Variants in SCN8A observed in about 807,000 individuals in gnomAD.
SCN8A encodes the protein sodium channel protein type 8 subunit alpha.
SCN8A carries 30 observed loss-of-function variants against 184.1 expected under a neutral mutation model. That is an observed-to-expected ratio of 0.16 (90% CI 0.12 to 0.22). The LOEUF (loss-of-function observed/expected upper bound fraction) is 0.22, where lower values mean the gene tolerates loss of function less well. SCN8A is among the 10% of genes least tolerant of loss of function. The pLI is 1.00. For missense variants in SCN8A, 1,057 were observed against 2,498.9 expected, an observed-to-expected ratio of 0.42 and a Z score of 12.30; for synonymous variants, 852 against 907.0, an observed-to-expected ratio of 0.94 and a Z score of 1.09.
At chr12:51,597,907 C>A (rs1175561797) in intron 1 of SCN8A, among the ~76,000 whole-genome samples, 1 of 151,936 alleles carries the variant, frequency 6.6e-6, no homozygotes, top group East Asian at 1.9e-4. Context: ...TTTGTCTTAG[C>A]AGGAAGCTGA....
intron 26 of SCN8A, among the ~76,000 whole-genome samples, chr12:51,802,675 C>T (rs1938589268): frequency 6.6e-6 from 1 of 152,174 alleles, no homozygotes; most frequent in Admixed American, 6.5e-5. Flanking sequence ...ATTACTTTCT[C>T]CAGTGAACTT....
chr12:51,647,067 A>G (rs1299503298), intron 1 of SCN8A, among the ~76,000 whole-genome samples: 2 of 152,178 alleles, frequency 1.3e-5, no homozygotes, highest in Non-Finnish European at 2.9e-5. Context: ...TCTAAGTACT[A>G]ACTTGGTGGC....
intron 15 of SCN8A, among the ~76,000 whole-genome samples, chr12:51,764,614 G>A (rs372351193): frequency 4.3e-4 from 65 of 152,006 alleles, no homozygotes; most frequent in African/African-American, 1.4e-3. Context: ...CAGCCTGGGC[G>A]GCAGAGTGAG....
intron 5 of SCN8A, among the ~76,000 whole-genome samples, chr12:51,688,434 G>A (rs992420398): frequency 1.9e-4 from 29 of 152,104 alleles, no homozygotes; most frequent in African/African-American, 6.3e-4. Flanking sequence ...CGCAAAACCT[G>A]GGAACATAAG....
intron 2 of SCN8A, among the ~76,000 whole-genome samples, chr12:51,663,826 G>A (rs181360016): frequency 4.9e-4 from 75 of 151,568 alleles, no homozygotes; most frequent in African/African-American, 1.7e-3. Context: ...AAAGCCTCCT[G>A]GGTGATCCAC....
chr12:51,689,436 G>T, intron 6 of SCN8A: 1 of 224,862 alleles, frequency 4.4e-6, no homozygotes, highest in South Asian at 1.2e-4. Context: ...CAGTAATTTT[G>T]ACATTTGCCA....
At chr12:51,744,933 G>T (rs568321850) in intron 12 of SCN8A, among the ~76,000 whole-genome samples, 2 of 152,210 alleles carry the variant, frequency 1.3e-5, no homozygotes, top group South Asian at 4.2e-4. Context: ...TCCTCTGAGG[G>T]CTGCTGATTG....
chr12:51,700,005 A>G (rs1317453228), intron 7 of SCN8A, among the ~76,000 whole-genome samples: 1 of 152,038 alleles, frequency 6.6e-6, no homozygotes, highest in African/African-American at 2.4e-5. Context: ...TCTCTCTACT[A>G]AAAATACAAA....
intron 14 of SCN8A, among the ~76,000 whole-genome samples, chr12:51,762,174 G>GT (rs1177822794): frequency 2.0e-5 from 3 of 152,120 alleles, no homozygotes; most frequent in Non-Finnish European, 4.4e-5. Flanking sequence ...CATTCAAAAT[G>GT]ACTGCTGACC....
intron 5 of SCN8A, 121 bp from the exon 6 acceptor site, chr12:51,688,884 A>G: frequency 6.3e-7 from 1 of 1,575,326 alleles, no homozygotes; most frequent in South Asian, 1.1e-5. Context: ...AGGTGTTGGG[A>G]TAGGGCCCTG....
intron 1 of SCN8A, among the ~76,000 whole-genome samples, chr12:51,641,176 T>G (rs906340117): frequency 6.6e-6 from 1 of 152,218 alleles, no homozygotes; most frequent in Non-Finnish European, 1.5e-5. Flanking sequence ...TTACATCATA[T>G]TAGGTATTAT....
At chr12:51,688,713 C>A in intron 5 of SCN8A, 1 of 1,388,898 alleles carries the variant, frequency 7.2e-7, no homozygotes, top group Non-Finnish European at 1.0e-6. Context: ...CTCAAACCCT[C>A]GCCCAGTGGT....
chr12:51,630,967 A>G (rs1940184344), intron 1 of SCN8A, among the ~76,000 whole-genome samples: 2 of 152,106 alleles, frequency 1.3e-5, no homozygotes, highest in Admixed American at 1.3e-4. Flanking sequence ...TCATTGTCAC[A>G]CTTTTCTCTA....
rs201042588 is a variant in SCN8A at position 51,770,540 on chromosome 12, C to T, written c.3502C>T (p.Arg1168Trp). Residue 1168 changes from arginine to tryptophan, a missense_variant, in exon 19 of 27, where the codon CGG becomes TGG. Transcript: ENST00000627620. ...CCCGCTGGTGCCAGGTTGTGTCCAG[C>T]GGTTCAAGTGCTGCCAGGTCAACAT... ...DACFTEGCVQ[R>W]FKCCQVNIEE... 5.6e-6 allele frequency: 9 copies of T among 1,605,086 alleles called. No individual in the cohort carries two copies. The highest frequency in any genetic ancestry group is 1.7e-4 in the Middle Eastern group (1 of 6,042).
intron 11 of SCN8A, 53 bp downstream of exon 11, chr12:51,706,768 T>A: frequency 1.6e-6 from 2 of 1,261,456 alleles, no homozygotes; most frequent in Non-Finnish European, 2.2e-6. Flanking sequence ...TTTATTAAGG[T>A]AAAATGTGTA....
chr12:51,776,416 C>T (rs1937695184), intron 20 of SCN8A, among the ~76,000 whole-genome samples: 1 of 152,248 alleles, frequency 6.6e-6, no homozygotes, highest in Non-Finnish European at 1.5e-5. Flanking sequence ...TGGTGCCCAA[C>T]TGGCTCCTGT....
At chr12:51,791,313 G>A (rs1938244519) in intron 25 of SCN8A, among the ~76,000 whole-genome samples, 1 of 152,110 alleles carries the variant, frequency 6.6e-6, no homozygotes, top group African/African-American at 2.4e-5. Flanking sequence ...AAGAGTTATA[G>A]TTCCAGAACG....
chr12:51,742,587 G>GTT (rs34185901), intron 12 of SCN8A, among the ~76,000 whole-genome samples: 112 of 147,326 alleles, frequency 7.6e-4, no homozygotes, highest in East Asian at 3.7e-3. Flanking sequence ...TCCATTGTAT[G>GTT]TTTTTTTTTT....
At position 51,605,419 on chromosome 12, in the gene SCN8A, C is replaced by T. The variant is rs563540920; in HGVS notation, c.-55+14060C>T. ...ATCTCATCTAGGTCATTGCAAATGC[C>T]GTTAATTCATTCCTTTTTATGGCTG... On this transcript the variant is annotated intron_variant, in intron 1 of 26. Transcript: ENST00000627620. 1.2e-4 allele frequency among the ~76,000 whole-genome samples: 19 copies of T among 152,254 alleles called. 1 individual carries two copies. The highest frequency in any genetic ancestry group is 2.1e-4 in the South Asian group (1 of 4,820).
Sources: allele counts gnomAD v4.1 joint callset (sites outside exome capture counted in the v4.1 genomes callset), GRCh38; gene constraint gnomAD v4.1.1; transcripts MANE v1.5; gene names NCBI Gene and HGNC (gene_info 2026-07-23, HGNC 2026-07-21).